The following ZNF385D variants were observed in gnomAD, a reference collection of about 807,000 sequenced individuals.
ZNF385D encodes the protein zinc finger protein 659.
In ZNF385D, 15 loss-of-function variants were observed where a neutral mutation model predicts 35.8. The ratio of observed to expected loss-of-function variants is 0.42; its 90% CI spans 0.28 to 0.64. ZNF385D has a LOEUF of 0.64. Among genes scored for constraint, ZNF385D ranks in the 30% least tolerant of loss-of-function variants. ZNF385D has a pLI of 0.23. For missense variants in ZNF385D, 474 were observed against 494.6 expected (o/e 0.96, Z 0.39); for synonymous variants, 212 against 186.8 (o/e 1.13, Z -1.10).
At chr3:21,762,345 G>A (rs2070655840) in intron 3 of ZNF385D, among the ~76,000 whole-genome samples, 2 of 151,988 alleles carry the variant, frequency 1.3e-5, no homozygotes, top group Non-Finnish European at 2.9e-5. Context: ...CTCTATGCCT[G>A]GTATCATGCT....
chr3:21,640,480 G>A lies in ZNF385D; in HGVS notation c.165+24406C>T, dbSNP rs1489373451. Among the ~76,000 whole-genome samples, 3 of 152,186 alleles carry A rather than the reference G, an allele frequency of 2.0e-5. No homozygotes were observed. The East Asian group carries it at 5.8e-4, about 29-fold the overall frequency. ...ACTTCCAGTGTTATGGTACTAAGAG[G>A]TGAGACCTTTGGGAGGTAATTAGGT... On this transcript the variant is annotated intron_variant, in intron 2 of 7. Coordinates refer to ENST00000281523, the MANE Select transcript of ZNF385D (RefSeq NM_024697.3).
At chr3:22,017,354 C>T (rs1447044386) in intron 3 of ZNF385D, among the ~76,000 whole-genome samples, 2 of 151,958 alleles carry the variant, frequency 1.3e-5, no homozygotes, top group Non-Finnish European at 2.9e-5. Context: ...TGCTATACCA[C>T]TGTTCTTTCG....
intron 2 of ZNF385D, among the ~76,000 whole-genome samples, chr3:22,188,825 A>G (rs766314373): frequency 9.2e-5 from 14 of 152,118 alleles, no homozygotes; most frequent in Non-Finnish European, 1.6e-4. Context: ...TTTTGCTTTT[A>G]AGCATTTCTA....
intron 4 of ZNF385D, among the ~76,000 whole-genome samples, chr3:21,478,994 T>C (rs1704422165): frequency 6.6e-6 from 1 of 151,952 alleles, no homozygotes; most frequent in Non-Finnish European, 1.5e-5. Context: ...ATAGTAATCA[T>C]AAAGAAATAT....
chr3:21,822,370 C>G (rs969846907), intron 3 of ZNF385D, among the ~76,000 whole-genome samples: 1 of 152,116 alleles, frequency 6.6e-6, no homozygotes, highest in East Asian at 1.9e-4. Context: ...CCGCGCCCAG[C>G]CTGGCTAAAC....
intron 2 of ZNF385D, among the ~76,000 whole-genome samples, chr3:22,346,878 C>T (rs1418633812): frequency 6.6e-6 from 1 of 152,192 alleles, no homozygotes; most frequent in Admixed American, 6.5e-5. Flanking sequence ...GAGTGCGACA[C>T]TACACTATCA....
At chr3:21,933,277 A>G (rs1387552961) in intron 3 of ZNF385D, among the ~76,000 whole-genome samples, 1 of 152,202 alleles carries the variant, frequency 6.6e-6, no homozygotes, top group Non-Finnish European at 1.5e-5. Context: ...TAGGAGTTGC[A>G]AAGGTTCATC....
At chr3:21,925,593 G>A (rs1275129769) in intron 3 of ZNF385D, among the ~76,000 whole-genome samples, 3 of 151,958 alleles carry the variant, frequency 2.0e-5, no homozygotes, top group African/African-American at 7.3e-5. Context: ...GACCCAAAAA[G>A]GATAATCCAT....
intron 1 of ZNF385D, among the ~76,000 whole-genome samples, chr3:21,732,017 T>C (rs2069021344): frequency 6.9e-6 from 1 of 144,566 alleles, no homozygotes; most frequent in Admixed American, 7.1e-5. Flanking sequence ...CAGGGTTTTT[T>C]TCTTTTTTCG....
intron 2 of ZNF385D, among the ~76,000 whole-genome samples, chr3:21,645,065 T>C (rs1021559812): frequency 7.9e-5 from 12 of 152,204 alleles, no homozygotes; most frequent in African/African-American, 2.2e-4. Flanking sequence ...GAGAGCCAAA[T>C]GACCTTGAAG....
chr3:21,458,315 G>GA (rs4045438), intron 4 of ZNF385D, among the ~76,000 whole-genome samples: 25,202 of 141,436 alleles, frequency 0.18, 2,325 homozygotes, highest in Non-Finnish European at 0.21. Flanking sequence ...ACTCTTAAAG[G>GA]AAAAAAAAAA....
In ZNF385D at chr3:21,764,866, G is replaced by A. The variant is rs1249365615; in HGVS notation, c.326-99838C>T. On this transcript the variant is annotated intron_variant, in intron 3 of 5. Coordinates refer to the ZNF385D transcript ENST00000494108. ...GTTGCGGTATAAGTTTACATTTCTGGCTCCCAAGCTTATTTTTTTTCCAAT... is the reference window on the plus strand; with the variant it reads ...GTTGCGGTATAAGTTTACATTTCTGACTCCCAAGCTTATTTTTTTTCCAAT... Among the ~76,000 whole-genome samples, 13 of 152,034 alleles carry A rather than the reference G, an allele frequency of 8.6e-5. No homozygotes were observed. In the East Asian group the frequency reaches 2.5e-3, roughly 29 times the overall value.
At chr3:21,960,773 C>T (rs930337692) in intron 3 of ZNF385D, among the ~76,000 whole-genome samples, 5 of 151,760 alleles carry the variant, frequency 3.3e-5, no homozygotes, top group Admixed American at 6.6e-5. Flanking sequence ...AGAATGAAAC[C>T]CTATCATTCA....
chr3:21,482,318 T>G (rs1350086698), intron 4 of ZNF385D, among the ~76,000 whole-genome samples: 1 of 152,186 alleles, frequency 6.6e-6, no homozygotes, highest in African/African-American at 2.4e-5. Flanking sequence ...AAAGTTTTTT[T>G]GGAACACTGG....
Position 21,421,232 on chromosome 3 carries a change from C to T in ZNF385D, c.1170G>A (p.Val390=). The change falls in exon 8 of 8, where the codon GTG becomes GTA. Residue 390 remains valine (V), a synonymous_variant. Coordinates refer to ENST00000281523, the MANE Select transcript of ZNF385D (RefSeq NM_024697.3). The stretch of plus-strand genomic sequence containing the variant: ...TTGGAATTTAGTAAGGAGCAAACAG[C>T]ACAGGAGTGTGGGCGGTCCGAATGG... The part of the protein sequence containing the change: ...PGPIRTAHTP[V]LFAPY The T allele has an allele frequency of 6.2e-7, 1 of 1,614,030 alleles. No individual in the cohort carries two copies. The highest frequency in any genetic ancestry group is 1.1e-5 in the South Asian group (1 of 91,072).
intron 3 of ZNF385D, among the ~76,000 whole-genome samples, chr3:22,120,707 A>G (rs1305470017): frequency 1.3e-5 from 2 of 152,196 alleles, no homozygotes; most frequent in Admixed American, 1.3e-4. Flanking sequence ...AATCTAGCTT[A>G]TAGTGCTATC....
chr3:21,825,112 T>A (rs748387131), intron 3 of ZNF385D, among the ~76,000 whole-genome samples: 10 of 152,326 alleles, frequency 6.6e-5, no homozygotes, highest in Non-Finnish European at 1.2e-4. Flanking sequence ...AACAATTATT[T>A]CTAATGTTAA....
chr3:21,721,172 G>A (rs762428174), intron 1 of ZNF385D, among the ~76,000 whole-genome samples: 2 of 151,746 alleles, frequency 1.3e-5, no homozygotes, highest in African/African-American at 2.4e-5. Flanking sequence ...TTGCTATACT[G>A]GTTGTCTATG....
At chr3:22,284,284 G>C (rs887910748) in intron 2 of ZNF385D, among the ~76,000 whole-genome samples, 1 of 152,040 alleles carries the variant, frequency 6.6e-6, no homozygotes, top group Non-Finnish European at 1.5e-5. Flanking sequence ...TGCCTCCCAG[G>C]TTCAAGCAAT....
Sources: gnomAD v4.1 joint callset for allele counts (sites outside exome capture counted in the v4.1 genomes callset) on GRCh38, gnomAD v4.1.1 for gene constraint, MANE v1.5 for transcripts, NCBI Gene and HGNC (gene_info 2026-07-23, HGNC 2026-07-21) for gene names.